CABLES1: variants seen among roughly 807,000 people sequenced by gnomAD.
The protein encoded by CABLES1 is Cdk5 and Abl enzyme substrate 1.
A neutral mutation model predicts 57.8 loss-of-function variants in CABLES1; 36 were observed. The ratio of observed to expected loss-of-function variants is 0.62; its 90% CI spans 0.48 to 0.82. The LOEUF (loss-of-function observed/expected upper bound fraction) is 0.82, where lower values mean the gene tolerates loss of function less well. Among genes scored for constraint, CABLES1 ranks in the 40% least tolerant of loss-of-function variants. The pLI, the probability that CABLES1 is intolerant of heterozygous loss-of-function variation, is 0.00. For synonymous variants in CABLES1, 374 were observed against 363.0 expected (o/e 1.03, Z -0.35); for missense variants, 767 against 836.6 (o/e 0.92, Z 1.03).
intron 4 of CABLES1, among the ~76,000 whole-genome samples, chr18:23,228,375 A>G (rs576166820): frequency 1.3e-5 from 2 of 152,300 alleles, no homozygotes; most frequent in African/African-American, 4.8e-5. Context: ...TGGCCCCAAG[A>G]TAGCTAGATT....
intron 1 of CABLES1, among the ~76,000 whole-genome samples, chr18:23,188,038 G>A (rs913904329): frequency 6.6e-6 from 1 of 152,120 alleles, no homozygotes; most frequent in African/African-American, 2.4e-5. Flanking sequence ...ATCCATCCCT[G>A]CTCCGCCAAA....
At chr18:23,246,665 ATATG>A (rs1568089338) in intron 7 of CABLES1, among the ~76,000 whole-genome samples, 1 of 151,462 alleles carries the variant, frequency 6.6e-6, no homozygotes, top group Non-Finnish European at 1.5e-5. Flanking sequence ...TGCTGGGATT[ATATG>A]CTTGAGCCAC....
intron 2 of CABLES1, among the ~76,000 whole-genome samples, chr18:23,190,787 A>G (rs895028630): frequency 6.6e-6 from 1 of 152,160 alleles, no homozygotes; most frequent in Non-Finnish European, 1.5e-5. Context: ...GATTTAAAAA[A>G]GTTCTCAGCC....
intron 1 of CABLES1, among the ~76,000 whole-genome samples, chr18:23,142,513 G>C (rs1175195118): frequency 3.3e-5 from 5 of 152,202 alleles, no homozygotes; most frequent in African/African-American, 1.2e-4. Context: ...ACCACAGAGG[G>C]GCAGGAGTCC....
chr18:23,224,436 G>A (rs542208704), intron 4 of CABLES1, among the ~76,000 whole-genome samples: 3 of 152,084 alleles, frequency 2.0e-5, no homozygotes, highest in Non-Finnish European at 2.9e-5. Flanking sequence ...TCACTCCTCC[G>A]TAAAAGGACT....
intron 1 of CABLES1, among the ~76,000 whole-genome samples, chr18:23,136,842 G>T (rs111830385): frequency 1.3e-5 from 2 of 152,262 alleles, no homozygotes; most frequent in African/African-American, 4.8e-5. Context: ...GGAGCACCGC[G>T]CTTGTGCAGT....
rs10638130 is a variant in CABLES1, at chr18:23,150,207, GTTT to G, written c.845+13617_845+13619del. On this transcript the variant is annotated intron_variant, in intron 1 of 9. Coordinates refer to ENST00000256925, the MANE Select transcript of CABLES1 (RefSeq NM_001100619.3). ...TTTAAGGTCATAGTAGTTGGTGTTT[GTTT>G]TTTTTTTTTTTTTTTTGAGACGGAG... Among the ~76,000 whole-genome samples, 29 of 106,662 alleles carry G rather than the reference GTTT, an allele frequency of 2.7e-4. 3 individuals carry two copies. The highest frequency in any genetic ancestry group is 1.1e-3 in the African/African-American group (27 of 24,394). The allele number at this position is 106,662 out of a possible 152,430, so 70.0% of individuals were successfully genotyped here.
At chr18:23,155,891 C>T (rs1462164236) in intron 1 of CABLES1, 3 of 1,613,672 alleles carry the variant, frequency 1.9e-6, no homozygotes, top group Non-Finnish European at 2.5e-6. Flanking sequence ...AAGCCTCTGC[C>T]TCCTTCCTTG....
At chr18:23,202,576 A>C (rs1241720960) in intron 3 of CABLES1, among the ~76,000 whole-genome samples, 2 of 152,216 alleles carry the variant, frequency 1.3e-5, no homozygotes, top group Non-Finnish European at 2.9e-5. Context: ...GATAAATCTC[A>C]GTTCCCAGCC....
chr18:23,156,535 A>G (rs2046967341), intron 1 of CABLES1, among the ~76,000 whole-genome samples: 1 of 152,072 alleles, frequency 6.6e-6, no homozygotes, highest in South Asian at 2.1e-4. Flanking sequence ...GTCAAATCTC[A>G]TTACCCCCAG....
chr18:23,137,711 A>T (rs1435210370), intron 1 of CABLES1, among the ~76,000 whole-genome samples: 1 of 152,188 alleles, frequency 6.6e-6, no homozygotes, highest in Non-Finnish European at 1.5e-5. Flanking sequence ...CAATGGACAA[A>T]TGGGGGAAGA....
At chr18:23,228,834 G>GCA (rs1385458951) in intron 4 of CABLES1, among the ~76,000 whole-genome samples, 2 of 151,858 alleles carry the variant, frequency 1.3e-5, no homozygotes, top group Non-Finnish European at 2.9e-5. Context: ...TCACAAACTT[G>GCA]CACAGAATGT....
intron 1 of CABLES1, among the ~76,000 whole-genome samples, chr18:23,180,672 G>C (rs568082979): frequency 6.6e-6 from 1 of 152,252 alleles, no homozygotes; most frequent in African/African-American, 2.4e-5. Flanking sequence ...ACTAAGCGCA[G>C]CTGATTTTAA....
chr18:23,204,154 G>A (rs767345632), intron 3 of CABLES1, among the ~76,000 whole-genome samples: 4 of 152,194 alleles, frequency 2.6e-5, no homozygotes, highest in Non-Finnish European at 5.9e-5. Context: ...GGCACTAAGT[G>A]GCGGAAGCGG....
At chr18:23,255,824 G>A (rs1168727787) in intron 9 of CABLES1, among the ~76,000 whole-genome samples, 1 of 151,980 alleles carries the variant, frequency 6.6e-6, no homozygotes, top group Non-Finnish European at 1.5e-5. Flanking sequence ...ACCTCCCAAA[G>A]TACTGGGATT....
rs9961425 is a variant in CABLES1 at position 23,204,136 on chromosome 18, A to C, written c.1010+9596A>C. Among the ~76,000 whole-genome samples, 871 of 152,198 alleles carry C rather than the reference A, an allele frequency of 5.7e-3. 6 individuals carry two copies. Among genetic ancestry groups the C allele is most frequent in the African/African-American group, 0.02 (828 of 41,534 alleles). ...CTCACCATCGCATTTCCTTGGCTTT[A>C]TTCACCTGGCACTAAGTGGCGGAAG... On this transcript the variant is annotated intron_variant, in intron 3 of 9. Transcript: ENST00000256925.
intron 1 of CABLES1, among the ~76,000 whole-genome samples, chr18:23,137,080 C>G (rs1277064693): frequency 6.6e-6 from 1 of 152,228 alleles, no homozygotes; most frequent in Admixed American, 6.5e-5. Context: ...GAAGTTCTTG[C>G]CTGCGCTCCA....
chr18:23,161,568 T>G (rs984317151), intron 1 of CABLES1, among the ~76,000 whole-genome samples: 1 of 149,672 alleles, frequency 6.7e-6, no homozygotes, highest in Admixed American at 6.8e-5. Context: ...CCATGGAGTT[T>G]GAGGCCTAAC....
chr18:23,206,207 C>T (rs2047362201), intron 3 of CABLES1, among the ~76,000 whole-genome samples: 1 of 152,192 alleles, frequency 6.6e-6, no homozygotes, highest in Non-Finnish European at 1.5e-5. Flanking sequence ...TCCCACTCCA[C>T]TCCTGTGAGT....
Sources: allele counts gnomAD v4.1 joint callset (sites outside exome capture counted in the v4.1 genomes callset), GRCh38; gene constraint gnomAD v4.1.1; transcripts MANE v1.5; gene names NCBI Gene and HGNC (gene_info 2026-07-23, HGNC 2026-07-21).